The following TEX14 variants were observed in gnomAD, a reference collection of about 807,000 sequenced individuals.
TEX14 encodes testis expressed 14, intercellular bridge forming factor.
A neutral mutation model predicts 178.6 loss-of-function variants in TEX14; 168 were observed. The observed-to-expected ratio is 0.94, with a 90% CI of 0.83 to 1.07. The LOEUF (loss-of-function observed/expected upper bound fraction) is 1.07, where lower values mean the gene tolerates loss of function less well. Ranked by LOEUF, TEX14 falls within the 50% of genes least tolerant of loss-of-function variation. TEX14 has a pLI of 0.00. For missense variants in TEX14, 1,730 were observed against 1,753.6 expected (o/e 0.99, Z 0.24); for synonymous variants, 626 against 634.1 (o/e 0.99, Z 0.19).
intron 1 of TEX14, among the ~76,000 whole-genome samples, chr17:58,656,623 G>A (rs1248971567): frequency 2.6e-5 from 4 of 151,416 alleles, no homozygotes; most frequent in African/African-American, 9.7e-5. Context: ...GTGTGGTGGT[G>A]GGCACCTGTA....
chr17:58,591,770 T>C (rs577364669), intron 15 of TEX14, among the ~76,000 whole-genome samples: 1 of 149,938 alleles, frequency 6.7e-6, no homozygotes, highest in East Asian at 2.0e-4. Flanking sequence ...GTGAAAAACA[T>C]ATATTGGCTG....
chr17:58,602,872 C>T (rs2045493026), intron 11 of TEX14, among the ~76,000 whole-genome samples: 1 of 150,494 alleles, frequency 6.6e-6, no homozygotes, highest in African/African-American at 2.4e-5. Context: ...TCGAGACCGT[C>T]CTGGCCAACA....
At chr17:58,610,238 G>A (rs2045712847) in intron 10 of TEX14, among the ~76,000 whole-genome samples, 1 of 152,226 alleles carries the variant, frequency 6.6e-6, no homozygotes, top group African/African-American at 2.4e-5. Flanking sequence ...GCCAGTGCCT[G>A]GCCCAGATGT....
intron 1 of TEX14, among the ~76,000 whole-genome samples, chr17:58,679,971 A>G (rs2047473510): frequency 6.6e-6 from 1 of 152,156 alleles, no homozygotes; most frequent in Admixed American, 6.6e-5. Flanking sequence ...GCTTGGTGAC[A>G]CGACTGAAAT....
At chr17:58,681,056 T>G (rs1415888741) in intron 1 of TEX14, among the ~76,000 whole-genome samples, 1 of 151,652 alleles carries the variant, frequency 6.6e-6, no homozygotes, top group African/African-American at 2.4e-5. Flanking sequence ...CTGAGGTGGG[T>G]GGATCACCTG....
intron 2 of TEX14, among the ~76,000 whole-genome samples, chr17:58,643,950 C>T (rs1232931238): frequency 6.6e-6 from 1 of 151,440 alleles, no homozygotes; most frequent in African/African-American, 2.4e-5. Context: ...TCCCCCGCCC[C>T]CCCCAAATAC....
chr17:58,631,526 G>A (rs2046289419), intron 2 of TEX14: 2 of 151,298 alleles, frequency 1.3e-5, no homozygotes, highest in African/African-American at 4.9e-5. Flanking sequence ...TAAAATATAT[G>A]CATATATACA....
intron 28 of TEX14, among the ~76,000 whole-genome samples, chr17:58,562,324 A>C (rs2044289234): frequency 6.6e-6 from 1 of 152,152 alleles, no homozygotes; most frequent in South Asian, 2.1e-4. Flanking sequence ...AGAATGCCTG[A>C]AAGTCCTGCT....
Position 58,565,792 on chromosome 17 carries a change from C to G in TEX14, c.3919G>C (p.Val1307Leu). 1 of 1,609,940 alleles carries G rather than the reference C, an allele frequency of 6.2e-7. No homozygotes were observed. Among genetic ancestry groups the G allele is most frequent in the Non-Finnish European group, 8.5e-7 (1 of 1,178,332 alleles). The change falls in exon 27 of 32, where the codon GTG becomes CTG. Residue 1307 changes from valine (V) to leucine (L), a missense_variant. By Grantham distance (32) the Val-to-Leu change is conservative. Transcript: ENST00000349033. Reference sequence around the variant, plus strand: ...TCACTTGCTGTGTTCTCATGCAACACCGTGGATGAGCCCTGCTGCTGTTTC... The same window carrying G: ...TCACTTGCTGTGTTCTCATGCAACAGCGTGGATGAGCCCTGCTGCTGTTTC... ...LLKQQQGSST[V>L]LHENTASDGG...
chr17:58,681,718 C>G (rs937681884), intron 1 of TEX14, among the ~76,000 whole-genome samples: 3 of 151,926 alleles, frequency 2.0e-5, no homozygotes, highest in Non-Finnish European at 2.9e-5. Flanking sequence ...TGGTGTGCAT[C>G]TGTAATCCCA....
In TEX14 at chr17:58,661,313, T is replaced by C. The variant is rs535366798; in HGVS notation, c.-1-9311A>G. On this transcript the variant is annotated intron_variant, in intron 1 of 31. Coordinates refer to ENST00000349033, the MANE Select transcript of TEX14 (RefSeq NM_031272.5). ...CAAATGATCTAGACGCTTACGGGGGTTGACTTGTTTCATGGTGAGGGCTCC... is the reference window on the plus strand; with the variant it reads ...CAAATGATCTAGACGCTTACGGGGGCTGACTTGTTTCATGGTGAGGGCTCC... 19 of 842,432 alleles carry C rather than the reference T, an allele frequency of 2.3e-5. No homozygotes were observed. The East Asian group carries it at 4.6e-4, about 20-fold the overall frequency. The allele number at this position is 842,432 out of a possible 1,614,324, so 52.2% of individuals were successfully genotyped here.
At chr17:58,641,491 A>ATTATTG (rs1416272370) in intron 2 of TEX14, among the ~76,000 whole-genome samples, 51 of 143,734 alleles carry the variant, frequency 3.5e-4, no homozygotes, top group African/African-American at 1.2e-3. Context: ...TCTTTTATTT[A>ATTATTG]TTATTATTAT....
At chr17:58,660,992 A>G (rs752343077) in intron 1 of TEX14, 2 of 1,174,574 alleles carry the variant, frequency 1.7e-6, no homozygotes, top group East Asian at 4.7e-5. Flanking sequence ...GCTGATATCA[A>G]TCCACCTCTG....
At chr17:58,577,498 T>C in intron 20 of TEX14, 42 bp from the exon 21 acceptor site, 8 of 742,524 alleles carry the variant, frequency 1.1e-5, no homozygotes, top group Non-Finnish European at 1.6e-5. Context: ...TATTTTTTTT[T>C]ACTGAATCTT....
chr17:58,687,158 C>T (rs1263173567), intron 1 of TEX14, among the ~76,000 whole-genome samples: 1 of 152,106 alleles, frequency 6.6e-6, no homozygotes, highest in Non-Finnish European at 1.5e-5. Context: ...CTCCTGCTGA[C>T]AGAAGATTTG....
intron 1 of TEX14, among the ~76,000 whole-genome samples, chr17:58,686,447 T>C (rs191628241): frequency 6.4e-4 from 98 of 152,018 alleles, no homozygotes; most frequent in African/African-American, 2.2e-3. Flanking sequence ...TTAGGCTGAG[T>C]TGGAGGAGAC....
intron 2 of TEX14, among the ~76,000 whole-genome samples, chr17:58,645,504 G>A (rs535852804): frequency 9.5e-4 from 144 of 152,080 alleles, no homozygotes; most frequent in Non-Finnish European, 1.8e-3. Flanking sequence ...GACTATAGGC[G>A]CCCGCCACCG....
At chr17:58,557,220 A>C (rs2144311519) in intron 31 of TEX14, among the ~76,000 whole-genome samples, 173 bp from the exon 32 acceptor site, 1 of 152,206 alleles carries the variant, frequency 6.6e-6, no homozygotes, top group Admixed American at 6.5e-5. Context: ...ATGCAAAATG[A>C]CTACAGAGCA....
chr17:58,603,043 CA>C (rs1244873744), intron 11 of TEX14, among the ~76,000 whole-genome samples: 4 of 148,300 alleles, frequency 2.7e-5, no homozygotes, highest in Admixed American at 2.0e-4. Context: ...TCCAGCCTAG[CA>C]ACAAAAACAG....
Sources: allele counts gnomAD v4.1 joint callset (sites outside exome capture counted in the v4.1 genomes callset), GRCh38; gene constraint gnomAD v4.1.1; transcripts MANE v1.5; gene names NCBI Gene and HGNC (gene_info 2026-07-23, HGNC 2026-07-21).